Variants in LRMDA observed in about 807,000 individuals in gnomAD.
The protein encoded by LRMDA is leucine rich melanocyte differentiation associated.
In LRMDA, 18 loss-of-function variants were observed where a neutral mutation model predicts 29.8. The ratio of observed to expected loss-of-function variants is 0.60; its 90% CI spans 0.42 to 0.90. The LOEUF (loss-of-function observed/expected upper bound fraction) is 0.90. Among genes scored for constraint, LRMDA ranks in the 40% least tolerant of loss-of-function variants. The probability of loss-of-function intolerance (pLI) is 0.00; values close to 1 mark genes in which losing one functional copy is unlikely to be tolerated. For synonymous variants in LRMDA, 125 were observed against 109.4 expected (o/e 1.14, Z -0.89); for missense variants, 273 against 273.9 (o/e 1.00, Z 0.02).
In LRMDA at chr10:75,795,568, T is replaced by C. The variant is rs75214610; in HGVS notation, c.132-240440T>C. Among the ~76,000 whole-genome samples, 120 of 152,330 alleles carry C rather than the reference T, an allele frequency of 7.9e-4. No individual in the cohort carries two copies. The East Asian group carries it at 0.022, about 28-fold the overall frequency. ...ATGAATGTGTGGGTCTATTATTGTGTTATCTGCTCTGTTCCATTGACCTAT... is the reference window on the plus strand; with the variant it reads ...ATGAATGTGTGGGTCTATTATTGTGCTATCTGCTCTGTTCCATTGACCTAT... On this transcript the variant is annotated intron_variant, in intron 2 of 6. Coordinates refer to ENST00000611255, the MANE Select transcript of LRMDA (RefSeq NM_001305581.2).
chr10:76,246,691 T>C lies in LRMDA; in HGVS notation c.517-77710T>C, dbSNP rs180963008. On this transcript the variant is annotated intron_variant, in intron 5 of 6. Transcript: ENST00000611255. The stretch of plus-strand genomic sequence containing the variant: ...GGATTAGTCCAACTGGCATTGCTCA[T>C]GTAAAAGCAAGAGCTTTGTCAACTG... Among the ~76,000 whole-genome samples the C allele has an allele frequency of 3.9e-3, 587 of 152,296 alleles. 5 individuals are homozygous for C. Among genetic ancestry groups the C allele is most frequent in the African/African-American group, 0.013 (556 of 41,566 alleles).
intron 2 of LRMDA, among the ~76,000 whole-genome samples, chr10:75,644,471 T>C (rs1388569974): frequency 6.6e-6 from 1 of 152,240 alleles, no homozygotes; most frequent in Non-Finnish European, 1.5e-5. Flanking sequence ...TTTCATGAAC[T>C]GTGTGATATA....
chr10:76,390,308 G>C (rs1484959081), intron 6 of LRMDA, among the ~76,000 whole-genome samples: 2 of 152,048 alleles, frequency 1.3e-5, no homozygotes, highest in East Asian at 3.9e-4. Flanking sequence ...TCTAAGAATT[G>C]ACTTTTTAGA....
At chr10:76,455,955 A>G (rs547079663) in intron 6 of LRMDA, among the ~76,000 whole-genome samples, 18 of 152,288 alleles carry the variant, frequency 1.2e-4, no homozygotes, top group African/African-American at 4.3e-4. Flanking sequence ...AGTGATTCCA[A>G]CTGTATGCAC....
chr10:75,626,727 A>G (rs930289446), intron 2 of LRMDA, among the ~76,000 whole-genome samples: 2 of 152,216 alleles, frequency 1.3e-5, no homozygotes, highest in African/African-American at 4.8e-5. Context: ...ACAGTGAGGG[A>G]AAAACATACA....
At chr10:75,618,605 C>T (rs1054081184) in intron 2 of LRMDA, among the ~76,000 whole-genome samples, 1 of 149,110 alleles carries the variant, frequency 6.7e-6, no homozygotes, top group Non-Finnish European at 1.5e-5. Flanking sequence ...TTAACATAAA[C>T]TTTGACTCAA....
chr10:76,523,050 A>G (rs1027162121), intron 6 of LRMDA, among the ~76,000 whole-genome samples: 4 of 151,742 alleles, frequency 2.6e-5, no homozygotes, highest in African/African-American at 7.3e-5. Context: ...TGGCTTTCAC[A>G]TGTCCTGCAA....
intron 5 of LRMDA, among the ~76,000 whole-genome samples, chr10:76,202,869 G>A (rs1851458518): frequency 6.6e-6 from 1 of 152,082 alleles, no homozygotes; most frequent in Non-Finnish European, 1.5e-5. Context: ...CAGAAAGGTT[G>A]ATGACAGTTA....
At chr10:75,684,162 A>G (rs1842056240) in intron 2 of LRMDA, among the ~76,000 whole-genome samples, 2 of 152,230 alleles carry the variant, frequency 1.3e-5, no homozygotes, top group South Asian at 2.1e-4. Flanking sequence ...GGCATTATCA[A>G]TGTCTCCTCT....
intron 2 of LRMDA, among the ~76,000 whole-genome samples, chr10:75,481,891 A>C (rs530598064): frequency 3.3e-5 from 5 of 151,816 alleles, no homozygotes; most frequent in East Asian, 3.9e-4. Flanking sequence ...TCTTACCCCC[A>C]CCTTTCCACC....
At chr10:76,326,494 G>T (rs1399847316) in intron 6 of LRMDA, among the ~76,000 whole-genome samples, 1 of 152,202 alleles carries the variant, frequency 6.6e-6, no homozygotes, top group Non-Finnish European at 1.5e-5. Context: ...ACATTTCATG[G>T]TGTGAGGACA....
chr10:75,594,012 AGTT>A (rs1840755364), intron 2 of LRMDA, among the ~76,000 whole-genome samples: 2 of 152,214 alleles, frequency 1.3e-5, no homozygotes, highest in Non-Finnish European at 2.9e-5. Flanking sequence ...CCTTTTGACC[AGTT>A]GTTCTGTGAG....
At chr10:76,315,024 T>C (rs1840674345) in intron 5 of LRMDA, among the ~76,000 whole-genome samples, 1 of 152,236 alleles carries the variant, frequency 6.6e-6, no homozygotes, top group South Asian at 2.1e-4. Context: ...GCCAGGCACC[T>C]TTGAACATCA....
intron 2 of LRMDA, among the ~76,000 whole-genome samples, chr10:75,853,433 G>GGGGT (rs1169923235): frequency 2.0e-5 from 3 of 147,508 alleles, no homozygotes; most frequent in African/African-American, 7.5e-5. Context: ...AAAGAAGAGG[G>GGGGT]GTGTGTGTGT....
intron 2 of LRMDA, among the ~76,000 whole-genome samples, chr10:75,805,523 C>A (rs1473389867): frequency 6.6e-6 from 1 of 152,090 alleles, no homozygotes; most frequent in Non-Finnish European, 1.5e-5. Context: ...TGGTGGCTAG[C>A]AAAAGTCATG....
At chr10:76,187,033 T>C (rs1232280286) in intron 5 of LRMDA, among the ~76,000 whole-genome samples, 1 of 152,204 alleles carries the variant, frequency 6.6e-6, no homozygotes, top group Non-Finnish European at 1.5e-5. Context: ...GTGTAAGACT[T>C]GACATTCTTC....
intron 5 of LRMDA, among the ~76,000 whole-genome samples, chr10:76,211,139 T>C (rs1851626807): frequency 6.6e-6 from 1 of 152,210 alleles, no homozygotes; most frequent in Non-Finnish European, 1.5e-5. Flanking sequence ...TCACCTTCCA[T>C]GTCTTTGCTC....
intron 6 of LRMDA, among the ~76,000 whole-genome samples, chr10:76,479,114 GA>G (rs1368902922): frequency 4.5e-4 from 68 of 151,494 alleles, no homozygotes; most frequent in African/African-American, 1.5e-3. Flanking sequence ...AAATTAGAAT[GA>G]AAGGTTTCAT....
intron 2 of LRMDA, among the ~76,000 whole-genome samples, chr10:76,020,622 T>C (rs1473611944): frequency 2.6e-5 from 4 of 152,156 alleles, no homozygotes; most frequent in Non-Finnish European, 5.9e-5. Flanking sequence ...AGCTGCCTGC[T>C]CAGGGGGCCC....
Sources: gnomAD v4.1 joint callset for allele counts (sites outside exome capture counted in the v4.1 genomes callset) on GRCh38, gnomAD v4.1.1 for gene constraint, MANE v1.5 for transcripts, NCBI Gene and HGNC (gene_info 2026-07-23, HGNC 2026-07-21) for gene names.